The following UNC13B variants were observed in gnomAD, a reference collection of about 807,000 sequenced individuals.
UNC13B encodes unc-13 homolog B, also known as protein unc-13 homolog B.
Under a neutral mutation model 211.0 loss-of-function variants are expected in UNC13B, and 144 were observed. The ratio of observed to expected loss-of-function variants is 0.68; its 90% confidence interval spans 0.60 to 0.78. UNC13B has a LOEUF of 0.78. Ranked by LOEUF, UNC13B falls within the 30% of genes least tolerant of loss-of-function variation. The pLI is 0.00. For synonymous variants in UNC13B, 709 were observed against 725.8 expected, an observed-to-expected ratio of 0.98 and a Z score of 0.37; for missense variants, 1,777 against 2,002.0, an observed-to-expected ratio of 0.89 and a Z score of 2.14.
chr9:35,202,959 A>G (rs1823403966), intron 1 of UNC13B, among the ~76,000 whole-genome samples: 1 of 151,718 alleles, frequency 6.6e-6, no homozygotes, highest in Non-Finnish European at 1.5e-5. Flanking sequence ...TGCCCGGCTA[A>G]TTTTTTGTAT....
chr9:35,210,102 A>G lies in UNC13B; in HGVS notation c.23-17913A>G, dbSNP rs140735466. On this transcript the variant is annotated intron_variant, in intron 1 of 39. Coordinates refer to ENST00000635942, the MANE Select transcript of UNC13B (RefSeq NM_001371189.2). ...AAAAAAAATTTTTTTTTCCTTCTAG[A>G]AAGCATTTAAGTTACCTTATGCATT... 4.7e-3 allele frequency among the ~76,000 whole-genome samples: 716 copies of G among 152,302 alleles called. 5 individuals carry two copies. The highest frequency in any genetic ancestry group is 0.016 in the South Asian group (76 of 4,826).
At chr9:35,329,529 C>T (rs1831248327) in intron 11 of UNC13B, among the ~76,000 whole-genome samples, 1 of 151,758 alleles carries the variant, frequency 6.6e-6, no homozygotes, top group African/African-American at 2.4e-5. Flanking sequence ...ACTCTGTTGC[C>T]CAGGCTGGAG....
chr9:35,257,161 A>C (rs1235820373), intron 6 of UNC13B, among the ~76,000 whole-genome samples: 1 of 151,624 alleles, frequency 6.6e-6, no homozygotes, highest in Non-Finnish European at 1.5e-5. Flanking sequence ...TTTGACCTTC[A>C]AGATGTTTTG....
At chr9:35,281,715 T>C (rs1828506473) in intron 7 of UNC13B, among the ~76,000 whole-genome samples, 1 of 152,216 alleles carries the variant, frequency 6.6e-6, no homozygotes, top group Non-Finnish European at 1.5e-5. Flanking sequence ...ATAGAATAGT[T>C]ACGCTGCCCT....
intron 6 of UNC13B, among the ~76,000 whole-genome samples, chr9:35,250,219 T>C (rs1171246212): frequency 6.6e-6 from 1 of 152,214 alleles, no homozygotes; most frequent in Non-Finnish European, 1.5e-5. Context: ...AAGCTTACAA[T>C]TCAGTGGCTT....
intron 8 of UNC13B, 147 bp downstream of exon 8, chr9:35,296,077 A>G: frequency 1.4e-6 from 1 of 715,948 alleles, no homozygotes; most frequent in Non-Finnish European, 2.3e-6. Flanking sequence ...TGTGTAGATT[A>G]TTAGTCTTTT....
At chr9:35,370,699 C>T (rs1457180189) in intron 13 of UNC13B, among the ~76,000 whole-genome samples, 1 of 152,178 alleles carries the variant, frequency 6.6e-6, no homozygotes, top group Admixed American at 6.5e-5. Context: ...ATCTCTACAG[C>T]CTTCTTTGAT....
chr9:35,375,173 C>T lies in UNC13B; in HGVS notation c.9587C>T (p.Thr3196Ile). The change falls in exon 14 of 40, where the codon ACA becomes ATA. Residue 3196 changes from threonine (T) to isoleucine (I), a missense_variant. Transcript: ENST00000635942. ...GCAGGAATCACTTCTGCAATGGCTACACGCACTTCTCTTAAGGACGAAGAG... is the reference window on the plus strand; with the variant it reads ...GCAGGAATCACTTCTGCAATGGCTATACGCACTTCTCTTAAGGACGAAGAG... Reference protein sequence around the residue: ...RKAGITSAMATRTSLKDEELK... With the variant: ...RKAGITSAMAIRTSLKDEELK... The T allele has an allele frequency of 6.2e-7, 1 of 1,614,164 alleles. No homozygotes were observed.
intron 7 of UNC13B, among the ~76,000 whole-genome samples, chr9:35,265,967 G>T (rs1294024215): frequency 6.6e-6 from 1 of 152,086 alleles, no homozygotes; most frequent in East Asian, 1.9e-4. Flanking sequence ...TGGGACCACA[G>T]TCATGTGTCA....
chr9:35,295,719 G>A lies in UNC13B; in HGVS notation c.550G>A (p.Val184Ile), dbSNP rs370449728. The change falls in exon 8 of 40, where the codon GTC (valine) becomes ATC (isoleucine). Residue 184 changes from valine (V) to isoleucine (I), a missense_variant. Coordinates refer to ENST00000635942, the MANE Select transcript of UNC13B (RefSeq NM_001371189.2). ...QCSFEDPDSA[V>I]DDRDSDYRSE... ...AGCTTTTGAAGACCCTGATAGTGCC[G>A]TCGATGACCGAGATAGTGACTATCG... 1.9e-4 allele frequency: 303 copies of A among 1,614,036 alleles called. No individual in the cohort carries two copies. Among genetic ancestry groups the A allele is most frequent in the Middle Eastern group, 4.9e-4 (3 of 6,062 alleles).
At chr9:35,362,799 CAAAA>C (rs36011341) in intron 11 of UNC13B, among the ~76,000 whole-genome samples, 1 of 98,836 alleles carries the variant, frequency 1.0e-5, no homozygotes. Context: ...GACTCCGTCT[CAAAA>C]AAAAAAAAAA....
At chr9:35,223,215 T>C (rs1405031146) in intron 1 of UNC13B, among the ~76,000 whole-genome samples, 1 of 152,218 alleles carries the variant, frequency 6.6e-6, no homozygotes, top group African/African-American at 2.4e-5. Flanking sequence ...TACCCAGTAA[T>C]GGGATTGCTG....
intron 37 of UNC13B, chr9:35,402,008 G>A: frequency 1.3e-6 from 2 of 1,550,548 alleles, no homozygotes; most frequent in South Asian, 1.2e-5. Flanking sequence ...CCGGAAAAGG[G>A]TATGTTGTAC....
At position 35,384,367 on chromosome 9, in the gene UNC13B, G is replaced by A. The variant is rs990778021; in HGVS notation, c.10875+53G>A. 3.2e-6 allele frequency: 5 copies of A among 1,584,874 alleles called. No homozygotes were observed. The Admixed American group carries it at 8.6e-5, about 27-fold the overall frequency. On this transcript the variant is annotated intron_variant, in intron 22 of 39. Transcript: ENST00000635942. ...ATAATAGATATCAAGCACGGTCCCA[G>A]AGAGACTGTAGGCCAATCTTGGCTA...
chr9:35,384,183 T>C (rs2132273022), intron 21 of UNC13B, 63 bp from the exon 22 acceptor site: 2 of 1,606,134 alleles, frequency 1.2e-6, no homozygotes, highest in South Asian at 2.2e-5. Flanking sequence ...GTTTCTGTTA[T>C]AGTTTAGGGG....
At position 35,398,258 on chromosome 9, in the gene UNC13B, G is replaced by C; in HGVS notation, c.11802G>C (p.Glu3934Asp). 1 of 1,614,016 alleles carries C rather than the reference G, an allele frequency of 6.2e-7. No homozygotes were observed. Among genetic ancestry groups the C allele is most frequent in the South Asian group, 1.1e-5 (1 of 91,024 alleles). ...NNVQQLRVQL[E>D]KMFEAMGGKE... ...TGCAGCAACTGAGGGTCCAGCTGGA[G>C]AAAATGTTTGAGGCCATGGGAGGCA... Residue 3934 changes from glutamate (E) to aspartate (D), a missense_variant, in exon 31 of 40, where the codon GAG becomes GAC. Physicochemically the swap from Glu to Asp is conservative, Grantham distance 45. Coordinates refer to ENST00000635942, the MANE Select transcript of UNC13B (RefSeq NM_001371189.2).
chr9:35,305,939 C>G lies in UNC13B; in HGVS notation c.6535C>G (p.Leu2179Val), dbSNP rs1408121200. The change falls in exon 9 of 40, where the codon CTA (leucine) becomes GTA (valine). Residue 2179 changes from leucine to valine, a missense_variant. Coordinates refer to ENST00000635942, the MANE Select transcript of UNC13B (RefSeq NM_001371189.2). ...EKSENRASAT[L>V]PRAKSQAEGL... ...ATCTGAGAACAGAGCCTCTGCTACT[C>G]TACCAAGAGCCAAATCTCAGGCAGA... The G allele has an allele frequency of 7.5e-6, 3 of 399,036 alleles. No homozygotes were observed. The highest frequency in any genetic ancestry group is 1.3e-5 in the Non-Finnish European group (3 of 226,042). The allele number at this position is 399,036 out of a possible 1,614,324, so 24.7% of individuals were successfully genotyped here.
At chr9:35,250,588 C>A (rs191406910) in intron 6 of UNC13B, among the ~76,000 whole-genome samples, 1 of 152,218 alleles carries the variant, frequency 6.6e-6, no homozygotes, top group Admixed American at 6.5e-5. Flanking sequence ...TGTTTCTCTG[C>A]TTGTTAGCTG....
intron 1 of UNC13B, among the ~76,000 whole-genome samples, chr9:35,216,161 G>C (rs1824233019): frequency 6.6e-6 from 1 of 152,092 alleles, no homozygotes; most frequent in Admixed American, 6.6e-5. Flanking sequence ...AAACATCCTT[G>C]GATCATCTCA....
Sources: allele counts gnomAD v4.1 joint callset (sites outside exome capture counted in the v4.1 genomes callset), GRCh38; gene constraint gnomAD v4.1.1; transcripts MANE v1.5; gene names NCBI Gene and HGNC (gene_info 2026-07-23, HGNC 2026-07-21).